Variants in DGKB observed in about 807,000 individuals in gnomAD.
DGKB encodes the protein diacylglycerol kinase beta, also known as 90 kDa diacylglycerol kinase.
A neutral mutation model predicts 114.3 loss-of-function variants in DGKB; 67 were observed. The observed-to-expected ratio is 0.59, with a 90% CI of 0.48 to 0.72. The LOEUF is 0.72. Ranked by LOEUF, DGKB falls within the 30% of genes least tolerant of loss-of-function variation. The pLI, the probability that DGKB is intolerant of heterozygous loss-of-function variation, is 0.00. For synonymous variants in DGKB, 398 were observed against 323.1 expected (o/e 1.23, Z -2.49); for missense variants, 907 against 975.2 (o/e 0.93, Z 0.93).
At chr7:14,509,761 T>TAG (rs1229265324) in intron 20 of DGKB, among the ~76,000 whole-genome samples, 19 of 152,344 alleles carry the variant, frequency 1.2e-4, no homozygotes, top group Admixed American at 3.9e-4. Context: ...TCTGTCTCTT[T>TAG]CTAACTCCTT....
chr7:14,378,030 C>T (rs1456527203), intron 21 of DGKB, among the ~76,000 whole-genome samples: 3 of 152,174 alleles, frequency 2.0e-5, no homozygotes, highest in Admixed American at 2.0e-4. Context: ...CCCTGTGATT[C>T]TGGAGTATAG....
At chr7:14,648,315 C>T (rs1382873594) in intron 13 of DGKB, among the ~76,000 whole-genome samples, 1 of 152,186 alleles carries the variant, frequency 6.6e-6, no homozygotes, top group Non-Finnish European at 1.5e-5. Context: ...GGCAGACTGC[C>T]TCCTCAAGTG....
At chr7:14,721,496 CTGTAT>C in intron 5 of DGKB, among the ~76,000 whole-genome samples, 1 of 152,180 alleles carries the variant, frequency 6.6e-6, no homozygotes, top group East Asian at 1.9e-4. Flanking sequence ...ACACTTAAAG[CTGTAT>C]CATGTATTTA....
intron 17 of DGKB, among the ~76,000 whole-genome samples, chr7:14,586,440 A>G (rs1800778668): frequency 6.6e-6 from 1 of 152,136 alleles, no homozygotes; most frequent in Non-Finnish European, 1.5e-5. Flanking sequence ...TAAGGAAAGA[A>G]GCTGTATAAA....
intron 2 of DGKB, among the ~76,000 whole-genome samples, chr7:14,791,194 T>G (rs1220411893): frequency 1.3e-5 from 2 of 152,136 alleles, no homozygotes; most frequent in African/African-American, 4.8e-5. Context: ...TCTAAGTATT[T>G]TGGGGAGTTG....
intron 23 of DGKB, among the ~76,000 whole-genome samples, chr7:14,213,204 T>G (rs2128310852): frequency 6.6e-6 from 1 of 152,226 alleles, no homozygotes; most frequent in South Asian, 2.1e-4. Context: ...TGATTCATTT[T>G]AATTAATGCC....
At chr7:14,732,557 T>C (rs1316420349) in intron 5 of DGKB, among the ~76,000 whole-genome samples, 1 of 151,796 alleles carries the variant, frequency 6.6e-6, no homozygotes, top group African/African-American at 2.4e-5. Context: ...CAAAGGTGGG[T>C]CTGAAAAAAA....
chr7:14,669,116 G>C (rs1818532045), intron 13 of DGKB, among the ~76,000 whole-genome samples: 1 of 152,090 alleles, frequency 6.6e-6, no homozygotes, highest in African/African-American at 2.4e-5. Context: ...CCTCACTCTA[G>C]CTAATGACCC....
chr7:14,226,200 A>C (rs1032551362), intron 23 of DGKB, among the ~76,000 whole-genome samples: 4 of 152,010 alleles, frequency 2.6e-5, no homozygotes, highest in Admixed American at 6.6e-5. Flanking sequence ...AGAAATTATT[A>C]TAAATGGTTG....
At chr7:14,617,377 C>G (rs1165243754) in intron 15 of DGKB, among the ~76,000 whole-genome samples, 1 of 151,454 alleles carries the variant, frequency 6.6e-6, no homozygotes, top group Non-Finnish European at 1.5e-5. Flanking sequence ...TCTCATAAAC[C>G]CTGTAGTCAA....
chr7:14,462,300 G>A (rs140160233), intron 21 of DGKB, among the ~76,000 whole-genome samples: 3,706 of 152,216 alleles, frequency 0.024, 140 homozygotes, highest in Admixed American at 0.091. Flanking sequence ...CAAATAGGAA[G>A]AGAGGAAGTC....
At chr7:14,370,213 C>T (rs1817402617) in intron 21 of DGKB, among the ~76,000 whole-genome samples, 1 of 152,134 alleles carries the variant, frequency 6.6e-6, no homozygotes, top group African/African-American at 2.4e-5. Context: ...AATCCTTTCC[C>T]CATTCCTTGT....
intron 20 of DGKB, among the ~76,000 whole-genome samples, chr7:14,507,528 T>G (rs1160654741): frequency 1.3e-5 from 2 of 152,214 alleles, no homozygotes; most frequent in Admixed American, 1.3e-4. Flanking sequence ...ATTTTCATTT[T>G]GTATTACACT....
At chr7:14,407,326 C>T (rs1179038931) in intron 21 of DGKB, among the ~76,000 whole-genome samples, 1 of 152,086 alleles carries the variant, frequency 6.6e-6, no homozygotes, top group Non-Finnish European at 1.5e-5. Flanking sequence ...CAAACAACCT[C>T]AAAAATCCTA....
At chr7:14,284,958 G>A (rs1281472635) in intron 23 of DGKB, among the ~76,000 whole-genome samples, 1 of 151,478 alleles carries the variant, frequency 6.6e-6, no homozygotes, top group Non-Finnish European at 1.5e-5. Flanking sequence ...ACATGTATAT[G>A]TATGTAACTA....
chr7:14,559,061 A>G (rs1026079077), intron 20 of DGKB, among the ~76,000 whole-genome samples: 9 of 152,182 alleles, frequency 5.9e-5, no homozygotes, highest in Non-Finnish European at 8.8e-5. Context: ...GTGTGTGTGA[A>G]ATGTGCTAGG....
At chr7:14,732,465 T>G (rs1053835975) in intron 5 of DGKB, among the ~76,000 whole-genome samples, 1 of 152,102 alleles carries the variant, frequency 6.6e-6, no homozygotes, top group Admixed American at 6.6e-5. Context: ...TTTGTCAGTT[T>G]CTGAGTCAAG....
At chr7:14,968,503 A>T (rs182089672) in intron 1 of DGKB, among the ~76,000 whole-genome samples, 1 of 152,292 alleles carries the variant, frequency 6.6e-6, no homozygotes, top group East Asian at 1.9e-4. Flanking sequence ...AAATATAAAA[A>T]TCCCAACTGT....
rs370805893 is a variant in DGKB at position 14,373,907 on chromosome 7, C to T, written c.1836-28516G>A. Among the ~76,000 whole-genome samples, 4 of 152,136 alleles carry T rather than the reference C, an allele frequency of 2.6e-5. No individual in the cohort carries two copies. The East Asian group carries it at 5.8e-4, about 22-fold the overall frequency. On this transcript the variant is annotated intron_variant, in intron 21 of 25. Transcript: ENST00000402815. The stretch of plus-strand genomic sequence containing the variant: ...CCCTATCCTTTACACCCAACCAGTC[C>T]GCTGACATAGTCAAGTGCATGTTTT...
Sources: gnomAD v4.1 joint callset for allele counts (sites outside exome capture counted in the v4.1 genomes callset) on GRCh38, gnomAD v4.1.1 for gene constraint, MANE v1.5 for transcripts, NCBI Gene and HGNC (gene_info 2026-07-23, HGNC 2026-07-21) for gene names.